RTL4: variants seen among roughly 807,000 people sequenced by gnomAD.
RTL4 encodes retrotransposon Gag like 4.
Under a neutral mutation model 5.3 loss-of-function variants are expected in RTL4, and 4 were observed. That is an observed-to-expected ratio of 0.75 (90% CI 0.37 to 1.72). The LOEUF (loss-of-function observed/expected upper bound fraction) is 1.72, where lower values mean the gene tolerates loss of function less well. Among genes scored for constraint, RTL4 ranks in the 40% most tolerant of loss-of-function variants. The probability of loss-of-function intolerance (pLI) is 0.04; values close to 1 mark genes in which losing one functional copy is unlikely to be tolerated. For synonymous variants in RTL4, 98 were observed against 87.3 expected (o/e 1.12, Z -0.68); for missense variants, 260 against 227.1 (o/e 1.14, Z -0.93).
chrX:112,149,481 T>C, the RTL4 span, among the ~76,000 whole-genome samples: 1 of 110,823 alleles, frequency 9.0e-6, no homozygotes, highest in East Asian at 2.9e-4. Flanking sequence ...CACACAAATA[T>C]CTGGGGAAGA....
At chrX:112,108,395 C>G in the RTL4 span, among the ~76,000 whole-genome samples, 2 of 111,593 alleles carry the variant, frequency 1.8e-5, no homozygotes, top group African/African-American at 6.5e-5. Flanking sequence ...TTGGGATCTG[C>G]AAATTTTCAG....
At chrX:112,319,490 T>C in the RTL4 span, among the ~76,000 whole-genome samples, 1 of 112,211 alleles carries the variant, frequency 8.9e-6, no homozygotes, top group Non-Finnish European at 1.9e-5. Flanking sequence ...ATCTTTATTT[T>C]TATTGAGACA....
At chrX:112,100,016 C>T in the RTL4 span, among the ~76,000 whole-genome samples, 1 of 111,852 alleles carries the variant, frequency 8.9e-6, no homozygotes, top group African/African-American at 3.2e-5. Context: ...AAGTAGGTTT[C>T]AGAGGCGATA....
chrX:112,330,907 A>G, the RTL4 span, among the ~76,000 whole-genome samples: 1 of 111,148 alleles, frequency 9.0e-6, no homozygotes, highest in Admixed American at 9.6e-5. Flanking sequence ...GAAATGGGGA[A>G]AGGATTCCCT....
At chrX:112,282,359 C>T in the RTL4 span, among the ~76,000 whole-genome samples, 1 of 111,764 alleles carries the variant, frequency 8.9e-6, no homozygotes, top group Non-Finnish European at 1.9e-5. Flanking sequence ...GTTTTTATGC[C>T]AGCATCATGC....
chrX:112,337,413 A>G, the RTL4 span, among the ~76,000 whole-genome samples: 1 of 110,261 alleles, frequency 9.1e-6, no homozygotes, highest in African/African-American at 3.3e-5. Flanking sequence ...CCTCTCAAGT[A>G]GCTGGGATTA....
chrX:112,190,176 C>CTTTCTTTCTTTCTTTCTTTCTTTCTT, the RTL4 span, among the ~76,000 whole-genome samples: 1,812 of 98,499 alleles, frequency 0.018, 35 homozygotes, highest in East Asian at 0.037. Context: ...TTCTTTCTTT[C>CTTTCTTTCTTTCTTTCTTTCTTTCTT]TTTCTTTCTT....
the RTL4 span, among the ~76,000 whole-genome samples, chrX:112,175,374 A>G: frequency 1.9e-5 from 2 of 106,413 alleles, no homozygotes; most frequent in Non-Finnish European, 3.9e-5. Flanking sequence ...AGGTTTGTCA[A>G]AGATCAGATA....
chrX:112,180,615 A>G, the RTL4 span, among the ~76,000 whole-genome samples: 1 of 111,888 alleles, frequency 8.9e-6, no homozygotes, highest in Non-Finnish European at 1.9e-5. Context: ...AAGAAATGTG[A>G]TCTCATCCCA....
chrX:112,316,440 C>T, the RTL4 span, among the ~76,000 whole-genome samples: 8 of 111,590 alleles, frequency 7.2e-5, no homozygotes, highest in South Asian at 3.0e-3. Context: ...CTCTAAGAGC[C>T]CTTCAGGGTT....
At chrX:112,270,138 C>A in the RTL4 span, among the ~76,000 whole-genome samples, 1 of 112,169 alleles carries the variant, frequency 8.9e-6, no homozygotes, top group Non-Finnish European at 1.9e-5. Flanking sequence ...GGAAATTTCA[C>A]CTTTAGATGA....
At chrX:112,184,783 G>A in the RTL4 span, among the ~76,000 whole-genome samples, 1 of 111,986 alleles carries the variant, frequency 8.9e-6, no homozygotes, top group African/African-American at 3.2e-5. Flanking sequence ...ATGGTGTATA[G>A]CCTACAGTGA....
At chrX:112,369,371 A>C in the RTL4 span, among the ~76,000 whole-genome samples, 2 of 111,612 alleles carry the variant, frequency 1.8e-5, no homozygotes, top group African/African-American at 3.3e-5. Flanking sequence ...GGCTTGGACT[A>C]TCCAAGGGCT....
chrX:112,207,675 A>G, the RTL4 span, among the ~76,000 whole-genome samples: 7 of 106,574 alleles, frequency 6.6e-5, no homozygotes, highest in Non-Finnish European at 1.2e-4. Context: ...CTTCTGTGGA[A>G]CCCCAATATA....
the RTL4 span, among the ~76,000 whole-genome samples, chrX:112,217,912 T>C: frequency 9.0e-6 from 1 of 110,952 alleles, no homozygotes; most frequent in Admixed American, 9.6e-5. Flanking sequence ...ATCAAAAAGA[T>C]AAAAAAAGAA....
the RTL4 span, among the ~76,000 whole-genome samples, chrX:112,402,586 A>G: frequency 9.0e-6 from 1 of 111,115 alleles, no homozygotes; most frequent in East Asian, 2.8e-4. Context: ...GGAATTTGGA[A>G]TACAGACCTG....
the RTL4 span, among the ~76,000 whole-genome samples, chrX:112,115,648 C>T: frequency 4.5e-5 from 5 of 111,953 alleles, no homozygotes; most frequent in Non-Finnish European, 9.4e-5. Context: ...CCCCCACCCC[C>T]CCGACAGGGC....
the RTL4 span, among the ~76,000 whole-genome samples, chrX:112,181,051 G>T: frequency 1.8e-5 from 2 of 111,337 alleles, no homozygotes; most frequent in African/African-American, 6.5e-5. Flanking sequence ...AGGGTGGGGC[G>T]TTGCCTCACC....
the RTL4 span, among the ~76,000 whole-genome samples, chrX:112,427,561 A>G: frequency 9.0e-6 from 1 of 110,596 alleles, no homozygotes; most frequent in African/African-American, 3.3e-5. Flanking sequence ...ATCTCTCACT[A>G]CTAGTTTTCA....
Sources: allele counts gnomAD v4.1 joint callset (sites outside exome capture counted in the v4.1 genomes callset), GRCh38; gene constraint gnomAD v4.1.1; transcripts MANE v1.5; gene names NCBI Gene and HGNC (gene_info 2026-07-23, HGNC 2026-07-21).